The following RASAL2 variants were observed in gnomAD, a reference collection of about 807,000 sequenced individuals.
RASAL2 encodes RAS protein activator like 2.
A neutral mutation model predicts 128.9 loss-of-function variants in RASAL2; 58 were observed. The ratio of observed to expected loss-of-function variants is 0.45; its 90% CI spans 0.36 to 0.56. The LOEUF (loss-of-function observed/expected upper bound fraction) is 0.56, where lower values mean the gene tolerates loss of function less well. Ranked by LOEUF, RASAL2 falls within the 20% of genes least tolerant of loss-of-function variation. The pLI is 0.00. For missense variants in RASAL2, 1,360 were observed against 1,601.6 expected, an observed-to-expected ratio of 0.85 and a Z score of 2.57; for synonymous variants, 561 against 580.8, an observed-to-expected ratio of 0.97 and a Z score of 0.49.
At chr1:178,131,407 G>A (rs867827532) in intron 1 of RASAL2, among the ~76,000 whole-genome samples, 3 of 108,122 alleles carry the variant, frequency 2.8e-5, no homozygotes, top group Admixed American at 1.1e-4. Flanking sequence ...TTTTTGTGGA[G>A]ACAGGGTACG....
chr1:178,458,502 T>G lies in RASAL2; in HGVS notation c.3210T>G (p.Pro1070=), dbSNP rs758323806. The change falls in exon 14 of 18, where the codon CCT becomes CCG. Residue 1070 remains proline, a synonymous_variant. Transcript: ENST00000367649. The part of the protein sequence containing the change: ...RQQSSSSRES[P]VPKVRAIQRQ... ...AGTCCTCTTCCTCCAGAGAGAGCCC[T>G]GTTCCCAAAGTTAGAGCAATCCAGA... The G allele has an allele frequency of 2.9e-4, 468 of 1,613,550 alleles. 1 individual carries two copies. The highest frequency in any genetic ancestry group is 3.9e-4 in the Non-Finnish European group (458 of 1,179,778).
intron 1 of RASAL2, among the ~76,000 whole-genome samples, chr1:178,105,216 A>G (rs1443780153): frequency 6.6e-6 from 1 of 152,236 alleles, no homozygotes. Flanking sequence ...ACTAATATTA[A>G]TGATTAAAGT....
At chr1:178,459,587 TA>T (rs1678032653) in intron 14 of RASAL2, among the ~76,000 whole-genome samples, 1 of 152,182 alleles carries the variant, frequency 6.6e-6, no homozygotes, top group Non-Finnish European at 1.5e-5. Flanking sequence ...TTTAGGCACT[TA>T]CCTATATGGC....
At chr1:178,258,747 C>T (rs1665509071) in intron 1 of RASAL2, among the ~76,000 whole-genome samples, 1 of 152,152 alleles carries the variant, frequency 6.6e-6, no homozygotes, top group Non-Finnish European at 1.5e-5. Context: ...TCAGCAATTC[C>T]ACTCCAAGTT....
At chr1:178,464,831 G>GTTTTTTTTTTTTTTTTTTT (rs986789340) in intron 15 of RASAL2, among the ~76,000 whole-genome samples, 8 of 38,204 alleles carry the variant, frequency 2.1e-4, no homozygotes, top group African/African-American at 8.5e-4. Context: ...GGTTTTAGTT[G>GTTTTTTTTTTTTTTTTTTT]TTTTTTTTTT....
intron 3 of RASAL2, among the ~76,000 whole-genome samples, chr1:178,387,170 G>A (rs983291842): frequency 6.6e-6 from 1 of 152,056 alleles, no homozygotes. Flanking sequence ...TTATTGTGGG[G>A]GTTGAGAAAG....
intron 1 of RASAL2, among the ~76,000 whole-genome samples, chr1:178,180,485 C>CAA (rs71108033): frequency 5.5e-5 from 4 of 72,534 alleles, no homozygotes; most frequent in African/African-American, 1.6e-4. Context: ...TCATCTCTAC[C>CAA]AAAAAAAAAA....
intron 3 of RASAL2, among the ~76,000 whole-genome samples, chr1:178,368,769 C>G (rs889149560): frequency 1.3e-5 from 2 of 151,922 alleles, no homozygotes; most frequent in Admixed American, 1.3e-4. Flanking sequence ...TCCCAAGTAG[C>G]TGAGACTACA....
intron 8 of RASAL2, 121 bp from the exon 9 acceptor site, chr1:178,445,397 A>T (rs1018908111): frequency 6.0e-6 from 7 of 1,165,830 alleles, no homozygotes; most frequent in Non-Finnish European, 8.4e-6. Flanking sequence ...TTCCTTTCAG[A>T]TGAATCTGAT....
chr1:178,170,479 CAG>C (rs1661669476), intron 1 of RASAL2, among the ~76,000 whole-genome samples: 1 of 151,664 alleles, frequency 6.6e-6, no homozygotes, highest in South Asian at 2.1e-4. Flanking sequence ...TAATTGGAAA[CAG>C]AATTTTTAGG....
rs879800715 is a variant in RASAL2, at chr1:178,320,148, G to C, written c.457+20030G>C. The stretch of plus-strand genomic sequence containing the variant: ...GACCCACTTGAGGAGGCAGTCTGCC[G>C]GTTCTCAGATCTCCAGCTGCGTGCT... On this transcript the variant is annotated intron_variant, in intron 3 of 17. Coordinates refer to ENST00000367649, the MANE Select transcript of RASAL2 (RefSeq NM_170692.4). 5.0e-3 allele frequency among the ~76,000 whole-genome samples: 752 copies of C among 151,756 alleles called. 2 individuals carry two copies. The highest frequency in any genetic ancestry group is 6.4e-3 in the Non-Finnish European group (431 of 67,832).
chr1:178,464,076 T>C (rs1205019900), intron 14 of RASAL2, among the ~76,000 whole-genome samples: 1 of 152,204 alleles, frequency 6.6e-6, no homozygotes, highest in Non-Finnish European at 1.5e-5. Context: ...CAACTTTCTA[T>C]TCAGAATAGT....
At chr1:178,291,469 A>C (rs1667277775) in intron 2 of RASAL2, among the ~76,000 whole-genome samples, 1 of 152,238 alleles carries the variant, frequency 6.6e-6, no homozygotes, top group Non-Finnish European at 1.5e-5. Context: ...GCAGTAGACC[A>C]GGTGAGGAAT....
At chr1:178,299,464 A>C (rs893105560) in intron 2 of RASAL2, among the ~76,000 whole-genome samples, 2 of 152,080 alleles carry the variant, frequency 1.3e-5, no homozygotes, top group Non-Finnish European at 2.9e-5. Context: ...CATGTTAGCT[A>C]ATTTACATGC....
chr1:178,131,065 A>C (rs1397712773), intron 1 of RASAL2, among the ~76,000 whole-genome samples: 1 of 146,998 alleles, frequency 6.8e-6, no homozygotes, highest in African/African-American at 2.5e-5. Flanking sequence ...AAAAACAAAC[A>C]AAAAAAAAAC....
At chr1:178,112,708 C>G (rs1326975608) in intron 1 of RASAL2, among the ~76,000 whole-genome samples, 1 of 136,610 alleles carries the variant, frequency 7.3e-6, no homozygotes, top group East Asian at 2.1e-4. Context: ...ACAATGAGAT[C>G]ACATGGACAC....
intron 4 of RASAL2, among the ~76,000 whole-genome samples, chr1:178,408,189 A>C (rs1557965114): frequency 6.6e-6 from 1 of 152,194 alleles, no homozygotes; most frequent in Non-Finnish European, 1.5e-5. Context: ...ATTTGAAAAA[A>C]TTGGATAGAG....
At chr1:178,227,746 G>C (rs1663848023) in intron 1 of RASAL2, among the ~76,000 whole-genome samples, 1 of 152,212 alleles carries the variant, frequency 6.6e-6, no homozygotes, top group Non-Finnish European at 1.5e-5. Flanking sequence ...TCTTAAAGCT[G>C]TGCTTTAAAT....
intron 9 of RASAL2, among the ~76,000 whole-genome samples, chr1:178,447,183 A>C (rs973705140): frequency 6.6e-6 from 1 of 152,172 alleles, no homozygotes; most frequent in Non-Finnish European, 1.5e-5. Context: ...GTATCCAGGC[A>C]TGGTGGCTCA....
Sources: gnomAD v4.1 joint callset for allele counts (sites outside exome capture counted in the v4.1 genomes callset) on GRCh38, gnomAD v4.1.1 for gene constraint, MANE v1.5 for transcripts, NCBI Gene and HGNC (gene_info 2026-07-23, HGNC 2026-07-21) for gene names.